PTPRT: variants seen among roughly 807,000 people sequenced by gnomAD.
PTPRT encodes receptor-type tyrosine-protein phosphatase T.
In PTPRT, 56 loss-of-function variants were observed where a neutral mutation model predicts 176.8. The observed-to-expected ratio is 0.32, with a 90% CI of 0.26 to 0.40. The LOEUF is 0.40. PTPRT is among the 10% of genes least tolerant of loss of function. The pLI is 1.00. For synonymous variants in PTPRT, 783 were observed against 739.0 expected, an observed-to-expected ratio of 1.06 and a Z score of -0.96; for missense variants, 1,540 against 1,908.2, an observed-to-expected ratio of 0.81 and a Z score of 3.60.
At position 42,623,984 on chromosome 20, in the gene PTPRT, C is replaced by T. The variant is rs139454166; in HGVS notation, c.1153+53882G>A. ...CCCTGCCACACCTGCCCCAGCCCCA[C>T]GAAGGAAAACAAAACAATAGCAACA... On this transcript the variant is annotated intron_variant, in intron 7 of 30. Coordinates refer to ENST00000373187, the MANE Select transcript of PTPRT (RefSeq NM_007050.6). Among the ~76,000 whole-genome samples the T allele has an allele frequency of 7.8e-4, 89 of 113,932 alleles. No homozygotes were observed. The East Asian group carries it at 8.7e-3, about 11-fold the overall frequency. The allele number at this position is 113,932 out of a possible 152,430, so 74.7% of individuals were successfully genotyped here.
At chr20:42,465,155 T>G (rs1601075998) in intron 8 of PTPRT, among the ~76,000 whole-genome samples, 1 of 151,928 alleles carries the variant, frequency 6.6e-6, no homozygotes, top group East Asian at 1.9e-4. Context: ...AAAAAAACAC[T>G]CTTTGCTCCT....
At chr20:42,983,159 G>C (rs1415827562) in intron 1 of PTPRT, among the ~76,000 whole-genome samples, 2 of 152,118 alleles carry the variant, frequency 1.3e-5, no homozygotes, top group Non-Finnish European at 2.9e-5. Flanking sequence ...CACATCCTTT[G>C]TGTGTCTCTT....
intron 6 of PTPRT, among the ~76,000 whole-genome samples, chr20:42,718,473 C>A (rs1056853275): frequency 2.6e-5 from 4 of 152,074 alleles, no homozygotes; most frequent in African/African-American, 4.8e-5. Flanking sequence ...GGGGGCGGAG[C>A]TTGCAGTGGG....
intron 2 of PTPRT, among the ~76,000 whole-genome samples, chr20:42,843,334 C>A (rs1490277469): frequency 1.3e-5 from 2 of 152,200 alleles, no homozygotes; most frequent in Admixed American, 1.3e-4. Context: ...TGTGGTTCTG[C>A]AGTTCCCTTG....
At chr20:42,426,686 A>G (rs928709634) in intron 9 of PTPRT, among the ~76,000 whole-genome samples, 2 of 152,128 alleles carry the variant, frequency 1.3e-5, no homozygotes, top group Non-Finnish European at 2.9e-5. Flanking sequence ...AGAGCCCAAA[A>G]GTGCTAGCCC....
At chr20:42,117,934 G>C (rs887646580) in intron 21 of PTPRT, among the ~76,000 whole-genome samples, 1 of 152,198 alleles carries the variant, frequency 6.6e-6, no homozygotes, top group Non-Finnish European at 1.5e-5. Flanking sequence ...TTATTGAGTA[G>C]AATCTGTGAT....
intron 11 of PTPRT, among the ~76,000 whole-genome samples, chr20:42,337,826 G>C (rs973104688): frequency 1.3e-5 from 2 of 152,338 alleles, no homozygotes; most frequent in East Asian, 3.9e-4. Context: ...CTTTGGAGAG[G>C]AAAAGCAAAG....
intron 5 of PTPRT, among the ~76,000 whole-genome samples, chr20:42,769,936 G>A (rs2077038456): frequency 6.6e-6 from 1 of 152,166 alleles, no homozygotes; most frequent in Non-Finnish European, 1.5e-5. Flanking sequence ...AAAGCAGATT[G>A]GCGGTTGCTT....
chr20:42,931,758 G>A (rs542681986), intron 1 of PTPRT, among the ~76,000 whole-genome samples: 49 of 152,298 alleles, frequency 3.2e-4, no homozygotes, highest in African/African-American at 1.2e-3. Flanking sequence ...TTTGTCAAAG[G>A]ATTGACACAT....
chr20:42,585,834 T>C (rs905079531), intron 7 of PTPRT, among the ~76,000 whole-genome samples: 2 of 152,182 alleles, frequency 1.3e-5, no homozygotes, highest in African/African-American at 4.8e-5. Context: ...TAATTATTTT[T>C]TCCCAATTAA....
intron 3 of PTPRT, among the ~76,000 whole-genome samples, chr20:42,785,011 T>C (rs931506041): frequency 3.9e-5 from 6 of 152,236 alleles, no homozygotes; most frequent in Non-Finnish European, 8.8e-5. Context: ...TTTTTTAATG[T>C]TCTCACTATA....
At chr20:43,007,628 A>C (rs987423502) in intron 1 of PTPRT, among the ~76,000 whole-genome samples, 3 of 152,196 alleles carry the variant, frequency 2.0e-5, no homozygotes, top group Admixed American at 6.6e-5. Context: ...GAGACCATTT[A>C]AAATCCAAAC....
chr20:42,913,080 T>C (rs1214719334), intron 1 of PTPRT, among the ~76,000 whole-genome samples: 1 of 152,136 alleles, frequency 6.6e-6, no homozygotes, highest in Non-Finnish European at 1.5e-5. Flanking sequence ...CATCTCTTCT[T>C]TACAAAATTG....
chr20:42,104,182 T>C (rs778388337), intron 25 of PTPRT, among the ~76,000 whole-genome samples: 8 of 152,176 alleles, frequency 5.3e-5, no homozygotes, highest in Non-Finnish European at 1.2e-4. Flanking sequence ...AGAAGAAACA[T>C]GTAGGGCCAG....
chr20:42,072,160 C>A (rs1294830663), downstream of PTPRT, among the ~76,000 whole-genome samples: 3 of 152,198 alleles, frequency 2.0e-5, no homozygotes, highest in Non-Finnish European at 2.9e-5. Flanking sequence ...GGAGCATATG[C>A]ACAGGCTACC....
intron 7 of PTPRT, among the ~76,000 whole-genome samples, chr20:42,626,173 T>C (rs919014627): frequency 6.6e-6 from 1 of 152,080 alleles, no homozygotes; most frequent in Non-Finnish European, 1.5e-5. Context: ...ATTTTGAGGC[T>C]CATCTAGTTT....
chr20:42,983,068 C>T (rs1983372178), intron 1 of PTPRT, among the ~76,000 whole-genome samples: 1 of 152,164 alleles, frequency 6.6e-6, no homozygotes, highest in East Asian at 1.9e-4. Context: ...CCGGTGGCTC[C>T]TTTGGTGTTA....
chr20:42,033,749 T>C, the PTPRT span, among the ~76,000 whole-genome samples: 1 of 152,254 alleles, frequency 6.6e-6, no homozygotes, highest in Admixed American at 6.5e-5. Context: ...TCACAAGGCA[T>C]GGTATGAATT....
intron 1 of PTPRT, among the ~76,000 whole-genome samples, chr20:43,178,763 C>T (rs61267463): frequency 0.013 from 2,044 of 152,294 alleles, 58 homozygotes; most frequent in African/African-American, 0.046. Context: ...CCCAACCTTG[C>T]ACTGCCAGAT....
Sources: allele counts gnomAD v4.1 joint callset (sites outside exome capture counted in the v4.1 genomes callset), GRCh38; gene constraint gnomAD v4.1.1; transcripts MANE v1.5; gene names NCBI Gene and HGNC (gene_info 2026-07-23, HGNC 2026-07-21).